The following SNTG1 variants were observed in gnomAD, a reference collection of about 807,000 sequenced individuals.
SNTG1 encodes syntrophin gamma 1.
In SNTG1, 39 loss-of-function variants were observed where a neutral mutation model predicts 74.7. That is an observed-to-expected ratio of 0.52 (90% CI 0.40 to 0.68). The LOEUF (loss-of-function observed/expected upper bound fraction) is 0.68. Among genes scored for constraint, SNTG1 ranks in the 30% least tolerant of loss-of-function variants. The pLI is 0.00. For synonymous variants in SNTG1, 254 were observed against 217.1 expected (o/e 1.17, Z -1.49); for missense variants, 685 against 609.5 (o/e 1.12, Z -1.30).
At chr8:50,392,111 T>C (rs2092670421) in intron 2 of SNTG1, among the ~76,000 whole-genome samples, 1 of 152,166 alleles carries the variant, frequency 6.6e-6, no homozygotes, top group South Asian at 2.1e-4. Context: ...GTTTAAACTT[T>C]AGATAGTACT....
At position 49,974,317 on chromosome 8, in the gene SNTG1, A is replaced by G. The variant is rs144922360; in HGVS notation, c.-103+62086A>G. Among the ~76,000 whole-genome samples, 9 of 152,314 alleles carry G rather than the reference A, an allele frequency of 5.9e-5. No homozygotes were observed. The East Asian group carries it at 1.5e-3, about 26-fold the overall frequency. On this transcript the variant is annotated intron_variant, in intron 1 of 18. Coordinates refer to ENST00000642720, the MANE Select transcript of SNTG1 (RefSeq NM_018967.5). Reference sequence around the variant, plus strand: ...AGCGCCAATACCTTCCTAGCCCTCCATGTTGTAGCGGGTGCCTTCATATAT... The same window carrying G: ...AGCGCCAATACCTTCCTAGCCCTCCGTGTTGTAGCGGGTGCCTTCATATAT...
chr8:50,306,872 G>A (rs532791169), intron 2 of SNTG1, among the ~76,000 whole-genome samples: 32 of 151,644 alleles, frequency 2.1e-4, no homozygotes, highest in African/African-American at 5.6e-4. Flanking sequence ...TTTGCCATGC[G>A]GAAGCTTTCT....
intron 2 of SNTG1, among the ~76,000 whole-genome samples, chr8:50,244,743 A>G (rs1476988860): frequency 6.6e-6 from 1 of 152,198 alleles, no homozygotes; most frequent in Admixed American, 6.5e-5. Context: ...CTCTTTGCCA[A>G]TGTAAGACCA....
chr8:50,583,080 C>A (rs1448117523), intron 12 of SNTG1, among the ~76,000 whole-genome samples: 2 of 151,848 alleles, frequency 1.3e-5, no homozygotes, highest in African/African-American at 4.8e-5. Context: ...GTAGGTCACA[C>A]CATCCTGAAT....
rs187147043 is a variant in SNTG1, at chr8:50,234,258, C to A, written c.-28+61623C>A. On this transcript the variant is annotated intron_variant, in intron 2 of 18. Coordinates refer to ENST00000642720, the MANE Select transcript of SNTG1 (RefSeq NM_018967.5). ...CTAATGATATATACCAAAGCTTGAA[C>A]TGATATGAAGAACATTACACTGAAG... is the stretch of plus-strand genomic sequence containing the variant. Among the ~76,000 whole-genome samples, 223 of 151,936 alleles carry A rather than the reference C, an allele frequency of 1.5e-3. 2 individuals are homozygous for A. The highest frequency in any genetic ancestry group is 4.6e-3 in the African/African-American group (189 of 41,488).
At chr8:50,054,932 C>G (rs1303172158) in intron 1 of SNTG1, among the ~76,000 whole-genome samples, 1 of 152,150 alleles carries the variant, frequency 6.6e-6, no homozygotes, top group South Asian at 2.1e-4. Flanking sequence ...TGACCTCGGC[C>G]TCTCAAGGTA....
chr8:50,641,422 C>G (rs1411030827), intron 13 of SNTG1, among the ~76,000 whole-genome samples: 1 of 152,234 alleles, frequency 6.6e-6, no homozygotes, highest in African/African-American at 2.4e-5. Context: ...GTGCTCCCAG[C>G]TGTTGCTGTT....
chr8:49,934,049 G>T (rs1027533258), intron 1 of SNTG1, among the ~76,000 whole-genome samples: 1 of 152,158 alleles, frequency 6.6e-6, no homozygotes, highest in African/African-American at 2.4e-5. Flanking sequence ...AGAAGGAAAA[G>T]TGAATAAATA....
At chr8:50,475,236 T>C (rs560479954) in intron 8 of SNTG1, among the ~76,000 whole-genome samples, 1 of 150,280 alleles carries the variant, frequency 6.7e-6, no homozygotes, top group Admixed American at 6.6e-5. Context: ...ATAATAATAA[T>C]AATAATAATA....
rs569116822 is a variant in SNTG1 at position 50,632,871 on chromosome 8, A to G, written c.850-24038A>G. On this transcript the variant is annotated intron_variant, in intron 13 of 18. Coordinates refer to ENST00000642720, the MANE Select transcript of SNTG1 (RefSeq NM_018967.5). The stretch of plus-strand genomic sequence containing the variant: ...AGATGTCAGCTGTGCCATAATTAAT[A>G]AAGGTCCTTTGTCTCTGATTCAAGA... 2.0e-5 allele frequency among the ~76,000 whole-genome samples: 3 copies of G among 152,296 alleles called. No homozygotes were observed. In the East Asian group the frequency reaches 5.8e-4, roughly 29 times the overall value.
intron 1 of SNTG1, among the ~76,000 whole-genome samples, chr8:50,062,504 C>T (rs984920870): frequency 6.6e-6 from 1 of 152,120 alleles, no homozygotes; most frequent in African/African-American, 2.4e-5. Flanking sequence ...CACACTGTTG[C>T]TTTCTGTTTC....
chr8:49,927,706 A>G (rs1807153280), intron 1 of SNTG1, among the ~76,000 whole-genome samples: 1 of 152,194 alleles, frequency 6.6e-6, no homozygotes, highest in South Asian at 2.1e-4. Flanking sequence ...TAGGCAGAGC[A>G]TAGATTTTTA....
At chr8:50,367,440 A>G (rs79879872) in intron 2 of SNTG1, among the ~76,000 whole-genome samples, 7,587 of 152,136 alleles carry the variant, frequency 0.05, 262 homozygotes, top group Non-Finnish European at 0.078. Flanking sequence ...AAATATATAC[A>G]TTAGATTTTA....
At chr8:50,615,830 G>A (rs747155959) in intron 13 of SNTG1, among the ~76,000 whole-genome samples, 10 of 152,200 alleles carry the variant, frequency 6.6e-5, no homozygotes, top group Non-Finnish European at 1.3e-4. Flanking sequence ...AAAGATACAG[G>A]AAAGAGGCAA....
intron 2 of SNTG1, among the ~76,000 whole-genome samples, chr8:50,326,383 T>C (rs546873391): frequency 6.6e-6 from 1 of 152,176 alleles, no homozygotes; most frequent in East Asian, 1.9e-4. Context: ...ATAGGACTAT[T>C]CAGAATGACT....
chr8:50,199,917 G>T (rs897685398), intron 2 of SNTG1, among the ~76,000 whole-genome samples: 2 of 152,152 alleles, frequency 1.3e-5, no homozygotes, highest in Non-Finnish European at 2.9e-5. Context: ...CTGTATTGTG[G>T]GTGTGGATTT....
intron 2 of SNTG1, among the ~76,000 whole-genome samples, chr8:50,371,109 G>T (rs887824516): frequency 6.6e-6 from 1 of 152,152 alleles, no homozygotes; most frequent in Non-Finnish European, 1.5e-5. Flanking sequence ...TGATTTTGGA[G>T]AAAAGCCCAG....
intron 1 of SNTG1, among the ~76,000 whole-genome samples, chr8:50,151,571 A>T (rs1412146851): frequency 6.6e-6 from 1 of 152,140 alleles, no homozygotes; most frequent in Non-Finnish European, 1.5e-5. Context: ...CCCTCTACAT[A>T]CTGGTTTAAA....
intron 17 of SNTG1, among the ~76,000 whole-genome samples, chr8:50,709,421 A>G (rs1207376794): frequency 6.6e-6 from 1 of 152,150 alleles, no homozygotes; most frequent in Non-Finnish European, 1.5e-5. Flanking sequence ...GAATTATTGA[A>G]TGGTGAAAAT....
Sources: gnomAD v4.1 joint callset for allele counts (sites outside exome capture counted in the v4.1 genomes callset) on GRCh38, gnomAD v4.1.1 for gene constraint, MANE v1.5 for transcripts, NCBI Gene and HGNC (gene_info 2026-07-23, HGNC 2026-07-21) for gene names.